The following CFHR4 variants were observed in gnomAD, a reference collection of about 807,000 sequenced individuals.
CFHR4 encodes complement factor H-related protein 4.
A neutral mutation model predicts 69.3 loss-of-function variants in CFHR4; 64 were observed. That is an observed-to-expected ratio of 0.92 (90% confidence interval 0.76 to 1.14). The LOEUF (loss-of-function observed/expected upper bound fraction) is 1.14. Among genes scored for constraint, CFHR4 ranks in the 50% most tolerant of loss-of-function variants. The probability of loss-of-function intolerance (pLI) is 0.00; values close to 1 mark genes in which losing one functional copy is unlikely to be tolerated. For missense variants in CFHR4, 636 were observed against 684.9 expected, an observed-to-expected ratio of 0.93 and a Z score of 0.80; for synonymous variants, 244 against 237.0, an observed-to-expected ratio of 1.03 and a Z score of -0.27.
intron 1 of CFHR4, among the ~76,000 whole-genome samples, 176 bp downstream of exon 1, chr1:196,888,384 CAT>C (rs1027467042): frequency 1.3e-5 from 2 of 151,118 alleles, no homozygotes; most frequent in Non-Finnish European, 2.9e-5. Flanking sequence ...AAAAATATCT[CAT>C]AATTTAAAGA....
intron 5 of CFHR4, 74 bp from the exon 6 acceptor site, chr1:196,910,206 CA>C (rs1392855631): frequency 2.7e-6 from 2 of 729,490 alleles, no homozygotes; most frequent in African/African-American, 3.8e-5. Context: ...GTAACATAAT[CA>C]AAACAGTCAT....
Position 196,910,469 on chromosome 1 carries a change from C to T in CFHR4, c.988C>T (p.Pro330Ser). 2 of 1,611,314 alleles carry T rather than the reference C, an allele frequency of 1.2e-6. No individual in the cohort carries two copies. Among genetic ancestry groups the T allele is most frequent in the Non-Finnish European group, 1.7e-6 (2 of 1,178,608 alleles). Residue 330 changes from proline (P) to serine (S), a missense_variant, in exon 6 of 10, where the codon CCA (proline) becomes TCA (serine). By Grantham distance (74) the Pro-to-Ser change is moderately conservative. Transcript: ENST00000608469. The stretch of plus-strand genomic sequence containing the variant: ...ACAAGATGGGTGGTTGCCAACAGTC[C>T]CATGCCTCAGTAAGCAAACCTCTTT... The part of the protein sequence containing the change: ...CTQDGWLPTV[P>S]CLRTCSKSDI...
rs764027052 is a variant in CFHR4, at chr1:196,912,737, T to C, written c.998-3T>C. ...ACTTTTTTCTCTACTTTTTCTATTT[T>C]AGGAACATGCTCAAAATCAGATATA... On this transcript the variant is annotated splice_polypyrimidine_tract_variant and splice_region_variant and intron_variant, in intron 6 of 9. Transcript: ENST00000608469. The C allele has an allele frequency of 3.2e-6, 5 of 1,583,418 alleles. No homozygotes were observed. The Admixed American group carries it at 8.7e-5, about 28-fold the overall frequency.
intron 3 of CFHR4, 51 bp from the exon 4 acceptor site, chr1:196,906,810 T>C (rs1657928959): frequency 2.6e-6 from 4 of 1,545,894 alleles, no homozygotes; most frequent in Non-Finnish European, 3.5e-6. Flanking sequence ...CTTAGTCGAG[T>C]TGTACATCAT....
chr1:196,910,217 T>C, intron 5 of CFHR4, 64 bp from the exon 6 acceptor site: 1 of 830,276 alleles, frequency 1.2e-6, no homozygotes, highest in South Asian at 2.8e-5. Context: ...AAAACAGTCA[T>C]CTCTTATATC....
intron 1 of CFHR4, among the ~76,000 whole-genome samples, chr1:196,895,964 T>C (rs983109586): frequency 7.3e-5 from 11 of 151,076 alleles, no homozygotes; most frequent in African/African-American, 2.7e-4. Flanking sequence ...AGGCTATGTC[T>C]GTGTCACAAA....
At chr1:196,901,259 A>G (rs1284788157) in intron 1 of CFHR4, among the ~76,000 whole-genome samples, 1 of 150,916 alleles carries the variant, frequency 6.6e-6, no homozygotes, top group African/African-American at 2.5e-5. Context: ...AAGTTTCAAA[A>G]ATGTGGCAAA....
intron 1 of CFHR4, among the ~76,000 whole-genome samples, chr1:196,898,715 T>G (rs1159722793): frequency 6.6e-6 from 1 of 151,384 alleles, no homozygotes; most frequent in Non-Finnish European, 1.5e-5. Context: ...CATTTGGGAG[T>G]GACTTTACTG....
intron 5 of CFHR4, among the ~76,000 whole-genome samples, chr1:196,908,250 A>G (rs1410693809): frequency 6.6e-6 from 1 of 151,332 alleles, no homozygotes; most frequent in Non-Finnish European, 1.5e-5. Flanking sequence ...TGGCACATGT[A>G]TTCCTATGTA....
At chr1:196,896,732 T>C (rs921370779) in intron 1 of CFHR4, among the ~76,000 whole-genome samples, 2 of 151,436 alleles carry the variant, frequency 1.3e-5, no homozygotes, top group African/African-American at 2.4e-5. Flanking sequence ...AGGGCTTCAA[T>C]AGACTCCAAA....
chr1:196,906,819 A>G, intron 3 of CFHR4, 42 bp from the exon 4 acceptor site: 1 of 1,580,234 alleles, frequency 6.3e-7, no homozygotes, highest in South Asian at 1.2e-5. Context: ...GTTGTACATC[A>G]TATGGCATAG....
rs1657960367 is a variant in CFHR4, at chr1:196,907,225, A to C, written c.617-91A>C. The C allele has an allele frequency of 3.2e-6, 4 of 1,257,194 alleles. No individual in the cohort carries two copies. In the South Asian group the frequency reaches 5.3e-5, roughly 17 times the overall value. 77.9% of individuals were successfully genotyped at this position (1,257,194 alleles called of 1,614,324 possible). A position where few individuals can be genotyped will look rare whatever the true frequency, so the allele number is the denominator to read the frequency against. ...CAAATGTCTTCCTAAGAAATCAAAT[A>C]AGATACATTTAAGAGTATATAAAAA... On this transcript the variant is annotated intron_variant, in intron 4 of 9. Transcript: ENST00000608469.
chr1:196,915,840 A>T (rs1010883082), intron 9 of CFHR4, among the ~76,000 whole-genome samples: 1 of 151,576 alleles, frequency 6.6e-6, no homozygotes. Context: ...CACATTATTA[A>T]CACTGAGGTA....
intron 1 of CFHR4, 123 bp downstream of exon 1, chr1:196,888,331 A>C (rs1207971219): frequency 1.1e-6 from 1 of 909,314 alleles, no homozygotes; most frequent in African/African-American, 1.7e-5. Flanking sequence ...TGCTAGCAGA[A>C]GTAGCATATT....
At chr1:196,891,829 A>AAT (rs1387446147) in intron 1 of CFHR4, among the ~76,000 whole-genome samples, 1 of 151,144 alleles carries the variant, frequency 6.6e-6, no homozygotes, top group Non-Finnish European at 1.5e-5. Flanking sequence ...AGAATGTATG[A>AAT]ATATATATGT....
At position 196,915,635 on chromosome 1, in the gene CFHR4, CAAAAATAA is replaced by C. The variant is rs1430347017; in HGVS notation, c.1540+510_1540+517del. 2.8e-5 allele frequency among the ~76,000 whole-genome samples: 4 copies of C among 143,838 alleles called. No individual in the cohort carries two copies. The East Asian group carries it at 6.1e-4, about 22-fold the overall frequency. The allele number at this position is 143,838 out of a possible 152,430, so 94.4% of individuals were successfully genotyped here. A position where few individuals can be genotyped will look rare whatever the true frequency, so the allele number is the denominator to read the frequency against. On this transcript the variant is annotated intron_variant, in intron 9 of 9. Transcript: ENST00000608469. ...GGGCGACAGAGGGAGACTCCGTCTC[CAAAAATAA>C]AAAAATAAAAAATAAAAAATAAATA...
chr1:196,907,357 G>A lies in CFHR4; in HGVS notation c.658G>A (p.Gly220Arg). 6.2e-7 allele frequency: 1 copy of A among 1,611,792 alleles called. No homozygotes were observed. The highest frequency in any genetic ancestry group is 8.5e-7 in the Non-Finnish European group (1 of 1,178,996). ...TGGGCCTCCTCCACCTATTAGCAAT[G>A]GAGATACCACGTCCTTCCCGCAAAA... Reference protein sequence around the residue: ...NCGPPPPISNGDTTSFPQKVY... With the variant: ...NCGPPPPISNRDTTSFPQKVY... The change falls in exon 5 of 10, where the codon GGA becomes AGA. Residue 220 changes from glycine to arginine, a missense_variant. Physicochemically the swap from Gly to Arg is moderately radical, Grantham distance 125 (BLOSUM62 -2). Transcript: ENST00000608469.
At chr1:196,918,168 G>A in intron 9 of CFHR4, 42 bp from the exon 10 acceptor site, 3 of 1,576,738 alleles carry the variant, frequency 1.9e-6, no homozygotes, top group East Asian at 4.6e-5. Flanking sequence ...GCTCATGAAA[G>A]GCAAGATTAT....
chr1:196,911,387 T>C (rs1658262801), intron 6 of CFHR4, among the ~76,000 whole-genome samples: 2 of 151,574 alleles, frequency 1.3e-5, no homozygotes, highest in African/African-American at 4.9e-5. Context: ...TCATGCTAAA[T>C]GCATTGATTT....
Sources: gnomAD v4.1 joint callset for allele counts (sites outside exome capture counted in the v4.1 genomes callset) on GRCh38, gnomAD v4.1.1 for gene constraint, MANE v1.5 for transcripts, NCBI Gene and HGNC (gene_info 2026-07-23, HGNC 2026-07-21) for gene names.